DNAJC1: variants seen among roughly 807,000 people sequenced by gnomAD.
The protein encoded by DNAJC1 is DnaJ heat shock protein family (Hsp40) member C1, also known as dnaJ homolog subfamily C member 1.
A neutral mutation model predicts 76.6 loss-of-function variants in DNAJC1; 58 were observed. The observed-to-expected ratio is 0.76, with a 90% CI of 0.61 to 0.94. The LOEUF (loss-of-function observed/expected upper bound fraction) is 0.94. Ranked by LOEUF, DNAJC1 falls within the 40% of genes least tolerant of loss-of-function variation. The pLI, the probability that DNAJC1 is intolerant of heterozygous loss-of-function variation, is 0.00. For synonymous variants in DNAJC1, 258 were observed against 267.9 expected (o/e 0.96, Z 0.36); for missense variants, 689 against 677.3 (o/e 1.02, Z -0.19).
intron 1 of DNAJC1, among the ~76,000 whole-genome samples, chr10:21,953,821 TAAAAAAAAAAAA>T (rs779370823): frequency 4.7e-5 from 4 of 84,950 alleles, no homozygotes; most frequent in Non-Finnish European, 6.9e-5. Flanking sequence ...AACTGAACTT[TAAAAAAAAAAAA>T]AAAAAAAAAA....
chr10:21,803,090 C>CA (rs1317406878), intron 9 of DNAJC1, among the ~76,000 whole-genome samples: 1 of 152,054 alleles, frequency 6.6e-6, no homozygotes, highest in Non-Finnish European at 1.5e-5. Flanking sequence ...CTAATTATGA[C>CA]AATTAATATA....
chr10:21,759,581 C>G lies in DNAJC1; in HGVS notation c.1185G>C (p.Gln395His). Residue 395 changes from glutamine to histidine, a missense_variant, in exon 11 of 12, where the codon CAG becomes CAC. Coordinates refer to ENST00000376980, the MANE Select transcript of DNAJC1 (RefSeq NM_022365.4). The part of the protein sequence containing the change: ...VRLSELKSTV[Q>H]NSRPIKTATT... ...TGGCCGTTTTGATGGGCCTGGAATT[C>G]TGAACTGTCGATTTGAGTTCGGAGA... 6.2e-7 allele frequency: 1 copy of G among 1,614,104 alleles called. No homozygotes were observed. The highest frequency in any genetic ancestry group is 1.1e-5 in the South Asian group (1 of 91,076).
chr10:21,987,988 T>C (rs1413977447), intron 1 of DNAJC1, among the ~76,000 whole-genome samples: 3 of 152,166 alleles, frequency 2.0e-5, no homozygotes, highest in African/African-American at 7.2e-5. Flanking sequence ...GTATTTTCCA[T>C]GTTGCTATGT....
rs1439857132 is a variant in DNAJC1 at position 22,003,204 on chromosome 10, C to A, written c.222+9G>T. On this transcript the variant is annotated intron_variant, in intron 1 of 11. Transcript: ENST00000376980. ...CTCTCCGCCCGGCCCCGCGCGCCTC[C>A]TTGCTTACCTGCTGCACCCCGAGGA... The A allele has an allele frequency of 6.5e-7, 1 of 1,543,658 alleles. No individual in the cohort carries two copies. Among genetic ancestry groups the A allele is most frequent in the East Asian group, 2.6e-5 (1 of 37,990 alleles).
chr10:21,986,564 CTT>C (rs1407577301), intron 1 of DNAJC1, among the ~76,000 whole-genome samples: 1 of 152,018 alleles, frequency 6.6e-6, no homozygotes, highest in East Asian at 1.9e-4. Context: ...ATGTTTGAGT[CTT>C]TCAAAAGTTT....
At chr10:21,917,324 C>A (rs1836973324) in intron 6 of DNAJC1, among the ~76,000 whole-genome samples, 1 of 151,970 alleles carries the variant, frequency 6.6e-6, no homozygotes, top group Admixed American at 6.6e-5. Flanking sequence ...AATTACCCTG[C>A]ATGCTAAACA....
intron 8 of DNAJC1, among the ~76,000 whole-genome samples, chr10:21,854,492 ATTAAT>A (rs758048762): frequency 6.4e-4 from 98 of 152,228 alleles, no homozygotes; most frequent in Non-Finnish European, 7.6e-4. Flanking sequence ...ATAAAATCTA[ATTAAT>A]TTAAGTATCT....
chr10:21,842,746 T>A (rs1447537525), intron 8 of DNAJC1, among the ~76,000 whole-genome samples: 3 of 152,218 alleles, frequency 2.0e-5, no homozygotes, highest in Non-Finnish European at 4.4e-5. Context: ...ATTCCACCTC[T>A]GCCTTCCCAT....
At chr10:21,945,106 G>C (rs886348269) in intron 1 of DNAJC1, among the ~76,000 whole-genome samples, 1 of 152,182 alleles carries the variant, frequency 6.6e-6, no homozygotes, top group Non-Finnish European at 1.5e-5. Context: ...AGGCATGAAG[G>C]ATATTGCTTA....
At chr10:21,797,089 T>G (rs1352649134) in intron 9 of DNAJC1, among the ~76,000 whole-genome samples, 1 of 152,184 alleles carries the variant, frequency 6.6e-6, no homozygotes, top group African/African-American at 2.4e-5. Context: ...GGTCTTACAG[T>G]TAAGACTTTA....
chr10:21,900,564 T>C (rs1230779379), intron 7 of DNAJC1, among the ~76,000 whole-genome samples: 1 of 152,170 alleles, frequency 6.6e-6, no homozygotes, highest in Non-Finnish European at 1.5e-5. Flanking sequence ...CACACTTCCA[T>C]TGGTATTCAA....
chr10:21,929,006 A>G, intron 2 of DNAJC1, 34 bp downstream of exon 2: 3 of 1,343,400 alleles, frequency 2.2e-6, no homozygotes, highest in Non-Finnish European at 3.1e-6. Flanking sequence ...TACATTTGTC[A>G]CAAAATATAT....
intron 9 of DNAJC1, among the ~76,000 whole-genome samples, chr10:21,772,138 G>C (rs776261199): frequency 3.3e-5 from 5 of 151,898 alleles, no homozygotes; most frequent in Non-Finnish European, 7.4e-5. Context: ...AATTCAGTTT[G>C]GTGGTATTTT....
chr10:22,003,439 C>T lies in DNAJC1; in HGVS notation c.-5G>A. The T allele has an allele frequency of 7.3e-7, 1 of 1,364,088 alleles. No homozygotes were observed. The highest frequency in any genetic ancestry group is 9.4e-7 in the Non-Finnish European group (1 of 1,062,022). 84.5% of individuals were successfully genotyped at this position (1,364,088 alleles called of 1,614,324 possible). ...CTGGGAGCAAGGAGCCGTCATCGCGCTGGGCTCGGAAAGGTCACCCGCCGC... is the reference window on the plus strand; with the variant it reads ...CTGGGAGCAAGGAGCCGTCATCGCGTTGGGCTCGGAAAGGTCACCCGCCGC... On this transcript the variant is annotated 5_prime_UTR_variant, in exon 1 of 12. Transcript: ENST00000376980.
At chr10:21,860,182 A>C (rs1177499714) in intron 8 of DNAJC1, among the ~76,000 whole-genome samples, 2 of 151,826 alleles carry the variant, frequency 1.3e-5, no homozygotes, top group Admixed American at 6.6e-5. Context: ...AAAAAAAAAA[A>C]CCTTAAGCAA....
intron 7 of DNAJC1, among the ~76,000 whole-genome samples, chr10:21,889,309 GA>G (rs1836422894): frequency 6.6e-6 from 1 of 152,066 alleles, no homozygotes; most frequent in African/African-American, 2.4e-5. Flanking sequence ...AACCATTCAT[GA>G]GACATTGCCC....
chr10:21,896,002 G>A (rs1836535428), intron 7 of DNAJC1, among the ~76,000 whole-genome samples: 1 of 152,184 alleles, frequency 6.6e-6, no homozygotes, highest in African/African-American at 2.4e-5. Context: ...TCCATGTGGT[G>A]CTAACTCTGC....
At chr10:21,816,477 G>A (rs1589993035) in intron 8 of DNAJC1, among the ~76,000 whole-genome samples, 1 of 151,792 alleles carries the variant, frequency 6.6e-6, no homozygotes, top group Non-Finnish European at 1.5e-5. Flanking sequence ...GGAGGCCATG[G>A]CAAGAGATTC....
rs74517480 is a variant in DNAJC1 at position 21,823,557 on chromosome 10, T to C, written c.979-17458A>G. ...ATTTTCTTCCTTCAATAAAAAGTTA[T>C]TGTCATATTTTCTTCCTTCCGTATT... On this transcript the variant is annotated intron_variant, in intron 8 of 11. Transcript: ENST00000376980. 3.9e-3 allele frequency among the ~76,000 whole-genome samples: 594 copies of C among 152,306 alleles called. 5 individuals carry two copies. Among genetic ancestry groups the C allele is most frequent in the African/African-American group, 0.014 (561 of 41,546 alleles).
Sources: gnomAD v4.1 joint callset for allele counts (sites outside exome capture counted in the v4.1 genomes callset) on GRCh38, gnomAD v4.1.1 for gene constraint, MANE v1.5 for transcripts, NCBI Gene and HGNC (gene_info 2026-07-23, HGNC 2026-07-21) for gene names.